The following LMX1B variants were observed in gnomAD, a reference collection of about 807,000 sequenced individuals.
The protein encoded by LMX1B is LIM homeobox transcription factor 1 beta.
In LMX1B, 12 loss-of-function variants were observed where a neutral mutation model predicts 51.4. That is an observed-to-expected ratio of 0.23 (90% CI 0.15 to 0.38). LMX1B has a LOEUF of 0.38. Among genes scored for constraint, LMX1B ranks in the 10% least tolerant of loss-of-function variants. The pLI is 1.00. For missense variants in LMX1B, 445 were observed against 571.1 expected, an observed-to-expected ratio of 0.78 and a Z score of 2.25; for synonymous variants, 237 against 235.4, an observed-to-expected ratio of 1.01 and a Z score of -0.06.
In LMX1B at chr9:126,700,877, CATT is replaced by C. The variant is rs1455603503; in HGVS notation, c.*4427_*4429del. The C allele has an allele frequency of 6.6e-6, 1 of 152,264 alleles. No homozygotes were observed. Among genetic ancestry groups the C allele is most frequent in the Non-Finnish European group, 1.5e-5 (1 of 68,052 alleles). The allele number at this position is 152,264 out of a possible 1,614,324, so 9.4% of individuals were successfully genotyped here. On this transcript the variant is annotated 3_prime_UTR_variant, in exon 8 of 8. Coordinates refer to ENST00000373474, the MANE Select transcript of LMX1B (RefSeq NM_001174147.2). ...AGACACATTTTATTTAATAACTTGT[CATT>C]GTTAAATTATTTATTAGCGTTTACC...
At chr9:126,617,341 G>C (rs1835322366) in intron 2 of LMX1B, among the ~76,000 whole-genome samples, 2 of 151,932 alleles carry the variant, frequency 1.3e-5, no homozygotes, top group South Asian at 4.2e-4. Flanking sequence ...CATGGGGGAA[G>C]GGGGCCCAGG....
At chr9:126,616,553 CG>C (rs1331269713) in intron 2 of LMX1B, among the ~76,000 whole-genome samples, 7 of 152,138 alleles carry the variant, frequency 4.6e-5, no homozygotes, top group Non-Finnish European at 7.3e-5. Flanking sequence ...GCAGACACAG[CG>C]GGTGCCTGCG....
chr9:126,616,493 G>A (rs564536119), intron 2 of LMX1B, among the ~76,000 whole-genome samples: 7 of 152,352 alleles, frequency 4.6e-5, no homozygotes, highest in African/African-American at 1.7e-4. Flanking sequence ...GAGGGAGGCA[G>A]TGAGGAGCCA....
intron 2 of LMX1B, among the ~76,000 whole-genome samples, chr9:126,653,307 A>G (rs371595607): frequency 6.6e-6 from 1 of 151,786 alleles, no homozygotes; most frequent in Admixed American, 6.6e-5. Flanking sequence ...GGTGAATGCC[A>G]CCACATCCAC....
intron 2 of LMX1B, among the ~76,000 whole-genome samples, chr9:126,646,783 C>A (rs4837102): frequency 0.051 from 7,787 of 152,276 alleles, 662 homozygotes; most frequent in East Asian, 0.42. Context: ...TGAGACACAG[C>A]AGACAAGGTT....
rs1344728514 is a variant in LMX1B, at chr9:126,641,584, C to T, written c.326+26015C>T. ...GCGACCACCCCCACCCAGCTGGGTT[C>T]CTCCCTGTCTTGCCACCTCCCGCTT... On this transcript the variant is annotated intron_variant, in intron 2 of 7. Coordinates refer to ENST00000373474, the MANE Select transcript of LMX1B (RefSeq NM_001174147.2). The surrounding 1 kb of genome is among the most constrained non-coding windows in gnomAD (Gnocchi z 4.1). Among the ~76,000 whole-genome samples, 1 of 152,166 alleles carries T rather than the reference C, an allele frequency of 6.6e-6. No homozygotes were observed. Among genetic ancestry groups the T allele is most frequent in the Non-Finnish European group, 1.5e-5 (1 of 68,012 alleles).
rs1003652796 is a variant in LMX1B at position 126,687,252 on chromosome 9, G to A, written c.327-3584G>A. On this transcript the variant is annotated intron_variant, in intron 2 of 7. Coordinates refer to ENST00000373474, the MANE Select transcript of LMX1B (RefSeq NM_001174147.2). ...TTATTTTTTATATATTTTTTGAGAC[G>A]GAGTCTCTCTCTGTCGCCCAGGCTG... Among the ~76,000 whole-genome samples, 11 of 151,136 alleles carry A rather than the reference G, an allele frequency of 7.3e-5. 1 individual carries two copies. The highest frequency in any genetic ancestry group is 4.2e-4 in the South Asian group (2 of 4,780).
intron 2 of LMX1B, among the ~76,000 whole-genome samples, chr9:126,682,997 T>C (rs1201321138): frequency 1.3e-5 from 2 of 150,062 alleles, no homozygotes; most frequent in African/African-American, 2.4e-5. Flanking sequence ...CTCCCCGGGC[T>C]CCCGGCTGTG....
At chr9:126,688,395 C>G (rs1407601068) in intron 2 of LMX1B, among the ~76,000 whole-genome samples, 2 of 152,244 alleles carry the variant, frequency 1.3e-5, no homozygotes, top group Non-Finnish European at 2.9e-5. Flanking sequence ...GCCTGGGACC[C>G]TGGGACCGTG....
At chr9:126,621,188 T>C (rs924162100) in intron 2 of LMX1B, among the ~76,000 whole-genome samples, 2 of 152,218 alleles carry the variant, frequency 1.3e-5, no homozygotes, top group Admixed American at 6.5e-5. Context: ...ACATGAGTTA[T>C]AACTTCCAAT....
chr9:126,674,725 T>A (rs1479686286), intron 2 of LMX1B, among the ~76,000 whole-genome samples: 1 of 152,170 alleles, frequency 6.6e-6, no homozygotes. Context: ...CCAAAGCCCC[T>A]GTCCACTTCA....
chr9:126,675,942 G>A lies in LMX1B; in HGVS notation c.327-14894G>A, dbSNP rs576652413. On this transcript the variant is annotated intron_variant, in intron 2 of 7. Transcript: ENST00000373474. ...CGGGCACCTGTAGTCCCAGCTACTC[G>A]GGAGGCTGAGGCAGGAGAATGGCGT... Among the ~76,000 whole-genome samples, 598 of 146,098 alleles carry A rather than the reference G, an allele frequency of 4.1e-3. 5 individuals carry two copies. Among genetic ancestry groups the A allele is most frequent in the Non-Finnish European group, 5.4e-3 (361 of 66,280 alleles).
At chr9:126,661,884 C>T (rs1836253818) in intron 2 of LMX1B, among the ~76,000 whole-genome samples, 1 of 152,220 alleles carries the variant, frequency 6.6e-6, no homozygotes, top group Non-Finnish European at 1.5e-5. Context: ...CCTCAGCCGC[C>T]TCAATCAGTC....
At chr9:126,620,141 C>T (rs1213797524) in intron 2 of LMX1B, among the ~76,000 whole-genome samples, 2 of 152,286 alleles carry the variant, frequency 1.3e-5, no homozygotes, top group East Asian at 3.9e-4. Flanking sequence ...AGGTTCTCTA[C>T]CCAGGTTCCA....
At chr9:126,667,666 A>C (rs1452404682) in intron 2 of LMX1B, among the ~76,000 whole-genome samples, 1 of 152,184 alleles carries the variant, frequency 6.6e-6, no homozygotes. Context: ...GCCATAAGAG[A>C]ACAAAAACCC....
chr9:126,628,170 G>T (rs969575789), intron 2 of LMX1B, among the ~76,000 whole-genome samples: 32 of 152,318 alleles, frequency 2.1e-4, no homozygotes, highest in African/African-American at 7.7e-4. Flanking sequence ...CCTGGGCTTG[G>T]CCCTTCCTGT....
chr9:126,635,812 A>G lies in LMX1B; in HGVS notation c.326+20243A>G, dbSNP rs1407081483. On this transcript the variant is annotated intron_variant, in intron 2 of 7. Transcript: ENST00000373474. ...GACTAAGTAGCACCAAGGACTGCACATCTTAGGTGCCATGAGCTGTGGCCT... is the reference window on the plus strand; with the variant it reads ...GACTAAGTAGCACCAAGGACTGCACGTCTTAGGTGCCATGAGCTGTGGCCT... Among the ~76,000 whole-genome samples, 4 of 152,158 alleles carry G rather than the reference A, an allele frequency of 2.6e-5. No homozygotes were observed. The East Asian group carries it at 7.7e-4, about 29-fold the overall frequency.
chr9:126,662,252 G>C (rs1297417415), intron 2 of LMX1B, among the ~76,000 whole-genome samples: 4 of 152,242 alleles, frequency 2.6e-5, no homozygotes, highest in African/African-American at 9.6e-5. Flanking sequence ...TGCTGATTAA[G>C]AGTAGTGGCC....
At position 126,625,653 on chromosome 9, in the gene LMX1B, C is replaced by G. The variant is rs1835510881; in HGVS notation, c.326+10084C>G. On this transcript the variant is annotated intron_variant, in intron 2 of 7. Transcript: ENST00000373474. This position sits in a 1 kb window ranked among gnomAD's most constrained non-coding sequence, Gnocchi z 5.3. ...CCGAGGGTGAATTCCTTTGTTCCAC[C>G]CCCACGGAAACCCTCTTCTCCGCCA... Among the ~76,000 whole-genome samples, 1 of 152,184 alleles carries G rather than the reference C, an allele frequency of 6.6e-6. No homozygotes were observed. Among genetic ancestry groups the G allele is most frequent in the South Asian group, 2.1e-4 (1 of 4,826 alleles).
Sources: gnomAD v4.1 joint callset for allele counts (sites outside exome capture counted in the v4.1 genomes callset) on GRCh38, gnomAD v4.1.1 for gene constraint, Gnocchi (gnomAD v3.1) non-coding constraint, MANE v1.5 for transcripts, NCBI Gene and HGNC (gene_info 2026-07-23, HGNC 2026-07-21) for gene names.